Variants in NLGN4X observed in about 807,000 individuals in gnomAD.
NLGN4X encodes neuroligin-4, X-linked.
Under a neutral mutation model 40.3 loss-of-function variants are expected in NLGN4X, and 3 were observed. The observed-to-expected ratio is 0.07, with a 90% confidence interval of 0.03 to 0.19. NLGN4X has a LOEUF of 0.19. Ranked by LOEUF, NLGN4X falls within the 10% of genes least tolerant of loss-of-function variation. The probability of loss-of-function intolerance (pLI) is 1.00; values close to 1 mark genes in which losing one functional copy is unlikely to be tolerated. For synonymous variants in NLGN4X, 270 were observed against 306.8 expected (o/e 0.88, Z 1.25); for missense variants, 382 against 708.3 (o/e 0.54, Z 5.23).
chrX:5,937,084 AT>A (rs1312140998), intron 3 of NLGN4X, among the ~76,000 whole-genome samples: 17 of 107,684 alleles, frequency 1.6e-4, no homozygotes, highest in East Asian at 5.9e-4. Flanking sequence ...AGTTGAATGA[AT>A]TTTTTTTTTA....
intron 2 of NLGN4X, among the ~76,000 whole-genome samples, chrX:6,138,509 C>CA (rs1391008792): frequency 1.7e-4 from 19 of 109,460 alleles, no homozygotes; most frequent in African/African-American, 4.6e-4. Context: ...CGGTCAGGTT[C>CA]AAAAAAAAAG....
chrX:6,074,447 G>T (rs148068861), intron 2 of NLGN4X, among the ~76,000 whole-genome samples: 3,498 of 111,366 alleles, frequency 0.031, 119 homozygotes, highest in African/African-American at 0.096. Flanking sequence ...TTACAAATAG[G>T]GGATCGTTTG....
intron 1 of NLGN4X, among the ~76,000 whole-genome samples, chrX:6,213,896 G>A (rs369852847): frequency 8.9e-6 from 1 of 111,762 alleles, no homozygotes; most frequent in East Asian, 2.8e-4. Flanking sequence ...CATAATAAAT[G>A]GAGCATTCCC....
chrX:6,197,835 G>A (rs949183454), intron 1 of NLGN4X, among the ~76,000 whole-genome samples: 1 of 110,263 alleles, frequency 9.1e-6, no homozygotes, highest in Admixed American at 9.7e-5. Flanking sequence ...AGGCTGAGGA[G>A]GGAGGATTGC....
chrX:6,086,098 C>T (rs1359154760), intron 2 of NLGN4X, among the ~76,000 whole-genome samples: 1 of 111,865 alleles, frequency 8.9e-6, no homozygotes, highest in Admixed American at 9.5e-5. Flanking sequence ...GTTATGATTG[C>T]ATGAAGCCCA....
At chrX:6,054,234 A>G (rs1357108735) in intron 2 of NLGN4X, among the ~76,000 whole-genome samples, 1 of 111,911 alleles carries the variant, frequency 8.9e-6, no homozygotes, top group Non-Finnish European at 1.9e-5. Context: ...TTACCTAGAG[A>G]ACAAAAATGT....
chrX:6,191,367 G>C (rs1422277616), intron 1 of NLGN4X, among the ~76,000 whole-genome samples: 2 of 111,733 alleles, frequency 1.8e-5, no homozygotes, highest in African/African-American at 6.5e-5. Flanking sequence ...GATTGCCTGG[G>C]TGGAACAAGG....
At chrX:6,143,641 C>A (rs1407001679) in intron 2 of NLGN4X, among the ~76,000 whole-genome samples, 1 of 111,725 alleles carries the variant, frequency 9.0e-6, no homozygotes, top group Non-Finnish European at 1.9e-5. Context: ...TTGAATATAC[C>A]ATTTAGGACA....
At chrX:6,222,314 C>G (rs1392044802) in intron 1 of NLGN4X, among the ~76,000 whole-genome samples, 1 of 111,396 alleles carries the variant, frequency 9.0e-6, no homozygotes, top group Non-Finnish European at 1.9e-5. Flanking sequence ...TTTTCATCAT[C>G]CAATCAGGTA....
chrX:6,020,753 A>G (rs967935975), intron 3 of NLGN4X, among the ~76,000 whole-genome samples: 2 of 111,004 alleles, frequency 1.8e-5, no homozygotes, highest in African/African-American at 3.3e-5. Context: ...TACATTAGGG[A>G]AAAAAGCACA....
chrX:5,996,366 C>A (rs951280063), intron 3 of NLGN4X, among the ~76,000 whole-genome samples: 3 of 111,745 alleles, frequency 2.7e-5, no homozygotes, highest in African/African-American at 9.8e-5. Flanking sequence ...TCTGTGCTAC[C>A]GAGTTTGATT....
intron 2 of NLGN4X, among the ~76,000 whole-genome samples, chrX:6,101,140 C>T (rs1274421713): frequency 9.0e-6 from 1 of 111,665 alleles, no homozygotes; most frequent in African/African-American, 3.3e-5. Context: ...CACGTGAGGC[C>T]TCTCAGAAAT....
At chrX:6,109,021 G>A (rs925655463) in intron 2 of NLGN4X, among the ~76,000 whole-genome samples, 2 of 112,161 alleles carry the variant, frequency 1.8e-5, no homozygotes, top group African/African-American at 6.5e-5. Flanking sequence ...CAGCACTTTG[G>A]AAGGCCAATG....
chrX:5,896,157 T>C (rs1314999294), intron 5 of NLGN4X, among the ~76,000 whole-genome samples: 1 of 111,977 alleles, frequency 8.9e-6, no homozygotes, highest in Non-Finnish European at 1.9e-5. Context: ...GAGTATTCTG[T>C]TCATGTTGGG....
chrX:6,223,314 C>T (rs78631871), intron 1 of NLGN4X, among the ~76,000 whole-genome samples: 4 of 110,931 alleles, frequency 3.6e-5, no homozygotes, highest in Admixed American at 2.9e-4. Flanking sequence ...GAACTGAACA[C>T]GAGATGTCTA....
At chrX:6,071,445 A>G (rs1215399434) in intron 2 of NLGN4X, among the ~76,000 whole-genome samples, 1 of 111,653 alleles carries the variant, frequency 9.0e-6, no homozygotes, top group African/African-American at 3.3e-5. Flanking sequence ...TGCATCTAAA[A>G]TAATATCTAA....
intron 1 of NLGN4X, among the ~76,000 whole-genome samples, chrX:6,227,397 C>T (rs1926474275): frequency 9.2e-6 from 1 of 109,210 alleles, no homozygotes; most frequent in African/African-American, 3.3e-5. Context: ...GCTCCAGATC[C>T]CCCGAGACCC....
chrX:6,098,598 C>T (rs1488886588), intron 2 of NLGN4X, among the ~76,000 whole-genome samples: 12 of 111,374 alleles, frequency 1.1e-4, no homozygotes, highest in African/African-American at 2.3e-4. Flanking sequence ...ATAATATAAA[C>T]GGCCTGCGTA....
chrX:6,086,788 C>T (rs1020791076), intron 2 of NLGN4X, among the ~76,000 whole-genome samples: 3 of 110,716 alleles, frequency 2.7e-5, no homozygotes, highest in Admixed American at 9.6e-5. Context: ...TGAGTCACCA[C>T]GCCTGGCTAG....
Sources: gnomAD v4.1 joint callset for allele counts (sites outside exome capture counted in the v4.1 genomes callset) on GRCh38, gnomAD v4.1.1 for gene constraint, MANE v1.5 for transcripts, NCBI Gene and HGNC (gene_info 2026-07-23, HGNC 2026-07-21) for gene names.